RIN3: variants seen among roughly 807,000 people sequenced by gnomAD.
RIN3 encodes Ras and Rab interactor 3.
RIN3 carries 54 observed loss-of-function variants against 76.3 expected under a neutral mutation model. The observed-to-expected ratio is 0.71, with a 90% CI of 0.57 to 0.89. The LOEUF (loss-of-function observed/expected upper bound fraction) is 0.89. RIN3 is among the 40% of genes least tolerant of loss of function. The probability of loss-of-function intolerance (pLI) is 0.00; values close to 1 mark genes in which losing one functional copy is unlikely to be tolerated. For synonymous variants in RIN3, 576 were observed against 564.0 expected, an observed-to-expected ratio of 1.02 and a Z score of -0.30; for missense variants, 1,256 against 1,322.1, an observed-to-expected ratio of 0.95 and a Z score of 0.78.
At chr14:92,565,359 C>A (rs1048808761) in intron 2 of RIN3, among the ~76,000 whole-genome samples, 2 of 152,040 alleles carry the variant, frequency 1.3e-5, no homozygotes, top group African/African-American at 4.8e-5. Context: ...CAAGCCAGAC[C>A]CTAGGGAAGG....
chr14:92,535,521 G>A (rs544273194), intron 1 of RIN3, among the ~76,000 whole-genome samples: 3 of 151,876 alleles, frequency 2.0e-5, no homozygotes, highest in South Asian at 4.1e-4. Context: ...TAAGATTGGC[G>A]GGTGTGGGTG....
chr14:92,653,042 G>A lies in RIN3; in HGVS notation c.1993G>A (p.Val665Met), dbSNP rs1286742888. 3 of 1,608,054 alleles carry A rather than the reference G, an allele frequency of 1.9e-6. No individual in the cohort carries two copies. Among genetic ancestry groups the A allele is most frequent in the Non-Finnish European group, 2.5e-6 (3 of 1,179,772 alleles). ...GCAGAGCACCGAGCTCAAGGCCCTG[G>A]TGGACCCCGCCCTGCACTCCGAGGA... ...LLQSTELKAL[V>M]DPALHSEEEL... The change falls in exon 6 of 10, where the codon GTG becomes ATG. Residue 665 changes from valine (V) to methionine (M), a missense_variant. Coordinates refer to ENST00000216487, the MANE Select transcript of RIN3 (RefSeq NM_024832.5).
At chr14:92,646,947 C>T (rs1042311893) in intron 5 of RIN3, among the ~76,000 whole-genome samples, 1 of 152,138 alleles carries the variant, frequency 6.6e-6, no homozygotes, top group Non-Finnish European at 1.5e-5. Context: ...TCCCTAGAGC[C>T]CAGAGCCAAG....
At chr14:92,665,722 T>A (rs922813738) in intron 7 of RIN3, among the ~76,000 whole-genome samples, 36 of 60,972 alleles carry the variant, frequency 5.9e-4, no homozygotes, top group African/African-American at 2.3e-3. Context: ...AGGATACTGT[T>A]TTTTTTCCCC....
At chr14:92,622,956 T>C (rs1173849218) in intron 4 of RIN3, among the ~76,000 whole-genome samples, 2 of 152,254 alleles carry the variant, frequency 1.3e-5, no homozygotes, top group East Asian at 1.9e-4. Flanking sequence ...AAGAATTTGT[T>C]ACTATAGGAT....
chr14:92,532,761 C>T (rs1213378661), intron 1 of RIN3, among the ~76,000 whole-genome samples: 2 of 152,202 alleles, frequency 1.3e-5, no homozygotes, highest in Middle Eastern at 3.2e-3. Context: ...AGGGTGGTCT[C>T]CTCAGAGCCG....
chr14:92,583,927 A>C (rs12879566), intron 3 of RIN3, among the ~76,000 whole-genome samples: 32 of 152,124 alleles, frequency 2.1e-4, no homozygotes, highest in Middle Eastern at 3.4e-3. Context: ...TCTTGCTCCT[A>C]TGAGAATCTA....
chr14:92,643,941 AT>A lies in RIN3; in HGVS notation c.532+2614del, dbSNP rs1887105589. The stretch of plus-strand genomic sequence containing the variant: ...AGACTCTGCCTCAAAAAAAAAAAAA[AT>A]TAGAAGATCAAGTTTTAGCTCCGCT... On this transcript the variant is annotated intron_variant, in intron 5 of 9. Transcript: ENST00000216487. The surrounding 1 kb of genome is among the most constrained non-coding windows in gnomAD (Gnocchi z 4.8). Among the ~76,000 whole-genome samples the A allele has an allele frequency of 6.6e-6, 1 of 152,046 alleles. No homozygotes were observed. The highest frequency in any genetic ancestry group is 2.1e-4 in the South Asian group (1 of 4,824).
intron 6 of RIN3, among the ~76,000 whole-genome samples, chr14:92,655,291 T>C (rs1887625182): frequency 6.6e-6 from 1 of 152,150 alleles, no homozygotes; most frequent in Non-Finnish European, 1.5e-5. Flanking sequence ...GAGATTGCAG[T>C]GAGCCGAGAT....
intron 2 of RIN3, among the ~76,000 whole-genome samples, chr14:92,559,554 A>C (rs1897703926): frequency 6.6e-6 from 1 of 152,220 alleles, no homozygotes; most frequent in Non-Finnish European, 1.5e-5. Flanking sequence ...TGGGGACTCC[A>C]TGCACCAATA....
At chr14:92,654,440 G>A (rs1034587450) in intron 6 of RIN3, among the ~76,000 whole-genome samples, 17 of 152,154 alleles carry the variant, frequency 1.1e-4, no homozygotes, top group African/African-American at 2.4e-4. Flanking sequence ...TGCCCCAGCC[G>A]TCCCCTGGCG....
At chr14:92,541,160 A>T (rs1219061020) in intron 1 of RIN3, among the ~76,000 whole-genome samples, 1 of 152,224 alleles carries the variant, frequency 6.6e-6, no homozygotes, top group Non-Finnish European at 1.5e-5. Flanking sequence ...CATTTCCTTT[A>T]TATCATATCC....
chr14:92,557,871 T>C (rs116776310), intron 2 of RIN3, among the ~76,000 whole-genome samples: 95 of 152,340 alleles, frequency 6.2e-4, no homozygotes, highest in African/African-American at 2.3e-3. Context: ...GGGAAAATTT[T>C]TGATGCCAGG....
At chr14:92,600,256 C>T (rs1885296052) in intron 3 of RIN3, among the ~76,000 whole-genome samples, 1 of 152,160 alleles carries the variant, frequency 6.6e-6, no homozygotes, top group Non-Finnish European at 1.5e-5. Context: ...GAGAGGAAGC[C>T]TCACAGTTAG....
chr14:92,531,881 T>TC (rs1279674757), intron 1 of RIN3, among the ~76,000 whole-genome samples: 1 of 146,674 alleles, frequency 6.8e-6, no homozygotes, highest in Non-Finnish European at 1.5e-5. Context: ...TTTAAACCCC[T>TC]CCCCCCAGTA....
intron 1 of RIN3, among the ~76,000 whole-genome samples, chr14:92,531,651 C>T (rs1226595136): frequency 1.3e-5 from 2 of 152,176 alleles, no homozygotes; most frequent in African/African-American, 2.4e-5. Context: ...AGGTGGGTTG[C>T]AGGGTGACTC....
chr14:92,634,146 C>T (rs1043250128), intron 4 of RIN3, among the ~76,000 whole-genome samples: 2 of 145,994 alleles, frequency 1.4e-5, no homozygotes, highest in African/African-American at 5.0e-5. Flanking sequence ...ATGATCTTGG[C>T]TCACTGCAAC....
chr14:92,661,756 C>CAA (rs1195736886), intron 7 of RIN3, among the ~76,000 whole-genome samples: 8,982 of 118,552 alleles, frequency 0.076, 348 homozygotes, highest in East Asian at 0.21. Flanking sequence ...CACACACACA[C>CAA]ACAAAAAATA....
chr14:92,675,372 A>G (rs1888424437), intron 7 of RIN3, among the ~76,000 whole-genome samples: 1 of 152,214 alleles, frequency 6.6e-6, no homozygotes, highest in Admixed American at 6.5e-5. Flanking sequence ...AAACATGTCA[A>G]GTAGAAACAC....
Sources: gnomAD v4.1 joint callset for allele counts (sites outside exome capture counted in the v4.1 genomes callset) on GRCh38, gnomAD v4.1.1 for gene constraint, Gnocchi (gnomAD v3.1) non-coding constraint, MANE v1.5 for transcripts, NCBI Gene and HGNC (gene_info 2026-07-23, HGNC 2026-07-21) for gene names.